The following BTBD9 variants were observed in gnomAD, a reference collection of about 807,000 sequenced individuals.
BTBD9 encodes BTB domain containing 9, also known as BTB/POZ domain-containing protein 9.
BTBD9 carries 49 observed loss-of-function variants against 64.3 expected under a neutral mutation model. That is an observed-to-expected ratio of 0.76 (90% CI 0.61 to 0.97). The LOEUF (loss-of-function observed/expected upper bound fraction) is 0.97. BTBD9 is among the 50% of genes least tolerant of loss of function. The probability of loss-of-function intolerance (pLI) is 0.00; values close to 1 mark genes in which losing one functional copy is unlikely to be tolerated. For synonymous variants in BTBD9, 260 were observed against 274.7 expected, an observed-to-expected ratio of 0.95 and a Z score of 0.53; for missense variants, 598 against 762.1, an observed-to-expected ratio of 0.78 and a Z score of 2.53.
chr6:38,621,299 C>T (rs760412380), intron 1 of BTBD9, among the ~76,000 whole-genome samples: 71 of 152,200 alleles, frequency 4.7e-4, no homozygotes, highest in African/African-American at 9.9e-4. Flanking sequence ...CGCACATGTG[C>T]GGCCCTCAAC....
At chr6:38,306,485 A>T (rs985780246) in intron 7 of BTBD9, among the ~76,000 whole-genome samples, 1 of 152,242 alleles carries the variant, frequency 6.6e-6, no homozygotes, top group African/African-American at 2.4e-5. Context: ...CTGCTTCTGA[A>T]TGCAAAAGTT....
intron 6 of BTBD9, among the ~76,000 whole-genome samples, chr6:38,537,772 C>A (rs1177434606): frequency 6.6e-6 from 1 of 152,212 alleles, no homozygotes; most frequent in Non-Finnish European, 1.5e-5. Flanking sequence ...ACTACACTTT[C>A]CATTTTCCTT....
chr6:38,546,063 A>T (rs1774542960), intron 6 of BTBD9, among the ~76,000 whole-genome samples: 1 of 152,184 alleles, frequency 6.6e-6, no homozygotes, highest in African/African-American at 2.4e-5. Flanking sequence ...TATATTCTGA[A>T]GGCAGGGCCC....
chr6:38,186,825 T>A (rs1019928126), intron 10 of BTBD9, among the ~76,000 whole-genome samples: 1 of 152,232 alleles, frequency 6.6e-6, no homozygotes, highest in East Asian at 1.9e-4. Flanking sequence ...TCTTTCTGAA[T>A]ACATTGCAGA....
intron 7 of BTBD9, among the ~76,000 whole-genome samples, chr6:38,305,310 C>T (rs1241214197): frequency 6.6e-6 from 1 of 152,136 alleles, no homozygotes; most frequent in Non-Finnish European, 1.5e-5. Context: ...CTACCCACAC[C>T]TTCTATTCTC....
At chr6:38,602,853 CA>C (rs1210461940) in intron 1 of BTBD9, among the ~76,000 whole-genome samples, 1 of 151,194 alleles carries the variant, frequency 6.6e-6, no homozygotes, top group Non-Finnish European at 1.5e-5. Context: ...TTAAAACTGG[CA>C]AGAGAAAAAA....
At chr6:38,225,587 C>T (rs1438451115) in intron 9 of BTBD9, among the ~76,000 whole-genome samples, 1 of 152,164 alleles carries the variant, frequency 6.6e-6, no homozygotes, top group African/African-American at 2.4e-5. Flanking sequence ...ACATGGTCTC[C>T]ACTTTTAAGG....
At chr6:38,426,219 T>G (rs1007791763) in intron 6 of BTBD9, among the ~76,000 whole-genome samples, 1 of 151,830 alleles carries the variant, frequency 6.6e-6, no homozygotes, top group Non-Finnish European at 1.5e-5. Flanking sequence ...GAAGGCCGCA[T>G]CCACCTTTAA....
chr6:38,566,675 A>T (rs368382526), intron 6 of BTBD9, among the ~76,000 whole-genome samples: 80 of 152,342 alleles, frequency 5.3e-4, no homozygotes, highest in African/African-American at 1.6e-3. Context: ...AATCAGTGTC[A>T]TTGTAGTCTA....
chr6:38,379,980 C>T (rs1301448729), intron 6 of BTBD9, among the ~76,000 whole-genome samples: 1 of 151,888 alleles, frequency 6.6e-6, no homozygotes, highest in Non-Finnish European at 1.5e-5. Context: ...TGTATAAATG[C>T]CCAAAGAAAG....
At chr6:38,264,805 T>A (rs894399090) in intron 8 of BTBD9, among the ~76,000 whole-genome samples, 1 of 152,054 alleles carries the variant, frequency 6.6e-6, no homozygotes, top group Non-Finnish European at 1.5e-5. Context: ...TTCTTAAAAG[T>A]GTGTGAAGTA....
chr6:38,277,397 G>A (rs576653482), intron 8 of BTBD9, among the ~76,000 whole-genome samples: 2 of 151,650 alleles, frequency 1.3e-5, no homozygotes, highest in South Asian at 2.1e-4. Context: ...GCAGGGGCGT[G>A]ATCTCGGCTC....
At chr6:38,363,222 G>A (rs1765043321) in intron 6 of BTBD9, among the ~76,000 whole-genome samples, 2 of 152,128 alleles carry the variant, frequency 1.3e-5, no homozygotes, top group Admixed American at 1.3e-4. Flanking sequence ...CAGCATAGCT[G>A]GGACTACAGG....
intron 9 of BTBD9, among the ~76,000 whole-genome samples, chr6:38,229,245 C>G (rs1763517845): frequency 6.6e-6 from 1 of 150,946 alleles, no homozygotes; most frequent in South Asian, 2.1e-4. Flanking sequence ...TAATTAGGTA[C>G]TTCATCTGAT....
chr6:38,253,170 T>A (rs1764459468), intron 9 of BTBD9, among the ~76,000 whole-genome samples: 1 of 152,212 alleles, frequency 6.6e-6, no homozygotes, highest in African/African-American at 2.4e-5. Flanking sequence ...AGCACCTTTG[T>A]GTTAGTCCGT....
At chr6:38,433,076 A>C (rs1198666084) in intron 6 of BTBD9, among the ~76,000 whole-genome samples, 1 of 152,008 alleles carries the variant, frequency 6.6e-6, no homozygotes, top group Non-Finnish European at 1.5e-5. Flanking sequence ...GCTCTCAGCC[A>C]CATCTTCAGC....
Position 38,210,550 on chromosome 6 carries a change from G to T in BTBD9, c.1563-17953C>A, listed in dbSNP as rs112877240. ...AGTGCGTGTGTTTGTGTGTGTGTGT[G>T]TGTGTGTGTGTGTGTGTGTGTGTGT... On this transcript the variant is annotated intron_variant, in intron 9 of 10. Transcript: ENST00000481247. Among the ~76,000 whole-genome samples, 407 of 132,312 alleles carry T rather than the reference G, an allele frequency of 3.1e-3. 2 individuals are homozygous for T. The highest frequency in any genetic ancestry group is 7.8e-3 in the Middle Eastern group (2 of 256). 86.8% of individuals were successfully genotyped at this position (132,312 alleles called of 152,430 possible).
At chr6:38,565,738 T>C (rs1246018219) in intron 6 of BTBD9, among the ~76,000 whole-genome samples, 3 of 152,220 alleles carry the variant, frequency 2.0e-5, no homozygotes, top group African/African-American at 4.8e-5. Flanking sequence ...TATTTGTGGA[T>C]AGCATTTAGT....
chr6:38,208,559 C>G, intron 9 of BTBD9, among the ~76,000 whole-genome samples: 1 of 152,112 alleles, frequency 6.6e-6, no homozygotes, highest in East Asian at 1.9e-4. Flanking sequence ...AGAGGGTGTC[C>G]TATGTGGCAG....
Sources: allele counts gnomAD v4.1 joint callset (sites outside exome capture counted in the v4.1 genomes callset), GRCh38; gene constraint gnomAD v4.1.1; transcripts MANE v1.5; gene names NCBI Gene and HGNC (gene_info 2026-07-23, HGNC 2026-07-21).